The following PTPRD variants were observed in gnomAD, a reference collection of about 807,000 sequenced individuals.
PTPRD encodes the protein protein tyrosine phosphatase receptor type D.
A neutral mutation model predicts 214.5 loss-of-function variants in PTPRD; 34 were observed. The observed-to-expected ratio is 0.16, with a 90% confidence interval of 0.12 to 0.21. The LOEUF is 0.21. Among genes scored for constraint, PTPRD ranks in the 10% least tolerant of loss-of-function variants. The pLI, the probability that PTPRD is intolerant of heterozygous loss-of-function variation, is 1.00. For synonymous variants in PTPRD, 1,128 were observed against 845.7 expected, an observed-to-expected ratio of 1.33 and a Z score of -5.79; for missense variants, 2,545 against 2,398.7, an observed-to-expected ratio of 1.06 and a Z score of -1.27.
intron 2 of PTPRD, among the ~76,000 whole-genome samples, chr9:10,500,169 G>A (rs936949629): frequency 6.6e-5 from 10 of 151,734 alleles, no homozygotes; most frequent in Admixed American, 1.3e-4. Context: ...CAACTTTCAT[G>A]CATATGTATT....
intron 8 of PTPRD, among the ~76,000 whole-genome samples, chr9:9,447,616 A>G (rs1435541970): frequency 3.3e-5 from 5 of 152,044 alleles, no homozygotes; most frequent in East Asian, 1.9e-4. Context: ...ACAAGCCCCA[A>G]TGGCAAATGT....
At chr9:10,030,072 T>C (rs1350540461) in intron 4 of PTPRD, among the ~76,000 whole-genome samples, 2 of 152,196 alleles carry the variant, frequency 1.3e-5, no homozygotes, top group African/African-American at 4.8e-5. Flanking sequence ...ATATAAGATG[T>C]GCCTTTCACC....
chr9:8,528,461 CAG>C, intron 15 of PTPRD, 128 bp downstream of exon 15: 1 of 815,198 alleles, frequency 1.2e-6, no homozygotes, highest in African/African-American at 1.8e-5. Flanking sequence ...CATTAAGTAA[CAG>C]AGAAAGAGAA....
intron 3 of PTPRD, among the ~76,000 whole-genome samples, chr9:10,186,194 A>G (rs1014293634): frequency 6.6e-6 from 1 of 152,108 alleles, no homozygotes; most frequent in Non-Finnish European, 1.5e-5. Flanking sequence ...AACTTGGAAA[A>G]GTTAAATATA....
chr9:8,474,023 C>T (rs1036190314), intron 30 of PTPRD, among the ~76,000 whole-genome samples: 5 of 152,196 alleles, frequency 3.3e-5, no homozygotes, highest in Non-Finnish European at 7.3e-5. Context: ...TTACCCGCAA[C>T]CTGTCTCTCC....
intron 44 of PTPRD, among the ~76,000 whole-genome samples, chr9:8,322,822 A>T (rs1025815355): frequency 1.3e-5 from 2 of 152,196 alleles, no homozygotes; most frequent in Admixed American, 6.6e-5. Context: ...GGAGGAGTCA[A>T]TGCCTGACTT....
At chr9:8,403,457 G>C (rs2092656824) in intron 36 of PTPRD, among the ~76,000 whole-genome samples, 1 of 152,200 alleles carries the variant, frequency 6.6e-6, no homozygotes, top group African/African-American at 2.4e-5. Context: ...TAGAGGCACA[G>C]ATTTAAGTGG....
intron 3 of PTPRD, among the ~76,000 whole-genome samples, chr9:10,231,979 A>T (rs910693331): frequency 1.5e-4 from 17 of 115,138 alleles, no homozygotes; most frequent in Admixed American, 4.3e-4. Flanking sequence ...AGAGAGAGAG[A>T]GAGAGAGAGA....
rs780929523 is a variant in PTPRD at position 8,471,988 on chromosome 9, G to T, written c.3414-903C>A. Among the ~76,000 whole-genome samples, 75 of 152,024 alleles carry T rather than the reference G, an allele frequency of 4.9e-4. 1 individual carries two copies. The highest frequency in any genetic ancestry group is 1.6e-4 in the Non-Finnish European group (11 of 67,994). ...ATATTAATCACTTCCTACTTCTCAG[G>T]TATTATAGTAAATGCATAATCTGGT... On this transcript the variant is annotated intron_variant, in intron 30 of 45. Coordinates refer to ENST00000381196, the MANE Select transcript of PTPRD (RefSeq NM_002839.4).
chr9:9,480,045 G>C (rs956791445), intron 8 of PTPRD, among the ~76,000 whole-genome samples: 1 of 152,034 alleles, frequency 6.6e-6, no homozygotes, highest in Non-Finnish European at 1.5e-5. Context: ...AAATATCTGG[G>C]ATCAATTGTC....
At chr9:8,329,149 C>A (rs574650708) in intron 44 of PTPRD, among the ~76,000 whole-genome samples, 128 of 152,162 alleles carry the variant, frequency 8.4e-4, no homozygotes, top group African/African-American at 3.1e-3. Flanking sequence ...GTGCTGGTTT[C>A]TCCCCATCTT....
At chr9:8,924,089 T>A (rs917297137) in intron 11 of PTPRD, among the ~76,000 whole-genome samples, 3 of 147,390 alleles carry the variant, frequency 2.0e-5, no homozygotes, top group Non-Finnish European at 4.5e-5. Flanking sequence ...GTCTACTATT[T>A]GTCTTCATAA....
intron 36 of PTPRD, among the ~76,000 whole-genome samples, chr9:8,391,209 G>GC (rs1244983356): frequency 3.9e-5 from 6 of 151,908 alleles, no homozygotes; most frequent in Non-Finnish European, 1.5e-5. Flanking sequence ...ATTGCCACTT[G>GC]CAATGACTTT....
At chr9:8,450,288 T>G (rs898798618) in intron 33 of PTPRD, among the ~76,000 whole-genome samples, 7 of 152,126 alleles carry the variant, frequency 4.6e-5, no homozygotes, top group Admixed American at 1.3e-4. Flanking sequence ...GCCCTAAGTA[T>G]ATATAAGTGG....
intron 2 of PTPRD, among the ~76,000 whole-genome samples, chr9:10,585,473 C>T (rs2073593671): frequency 6.6e-6 from 1 of 151,952 alleles, no homozygotes. Context: ...AATCACGTTT[C>T]TCCAGAAAGC....
At chr9:10,588,770 G>A (rs2074624578) in intron 2 of PTPRD, among the ~76,000 whole-genome samples, 1 of 151,424 alleles carries the variant, frequency 6.6e-6, no homozygotes, top group Non-Finnish European at 1.5e-5. Context: ...TTAGTCAAAT[G>A]CCTCTTTATT....
chr9:8,413,635 A>C (rs908885397), intron 35 of PTPRD, among the ~76,000 whole-genome samples: 2 of 152,148 alleles, frequency 1.3e-5, no homozygotes, highest in African/African-American at 4.8e-5. Context: ...ACACCATACT[A>C]AATATAGGCT....
intron 9 of PTPRD, among the ~76,000 whole-genome samples, chr9:9,384,236 C>T (rs1433610024): frequency 2.1e-5 from 3 of 142,364 alleles, no homozygotes; most frequent in Admixed American, 7.3e-5. Flanking sequence ...ATCTAGGCTT[C>T]TTTGGATTTT....
At chr9:9,535,592 T>C (rs2076348837) in intron 8 of PTPRD, among the ~76,000 whole-genome samples, 1 of 152,124 alleles carries the variant, frequency 6.6e-6, no homozygotes, top group Non-Finnish European at 1.5e-5. Flanking sequence ...GCAGCCAATG[T>C]GGTGAAAATA....
Sources: gnomAD v4.1 joint callset for allele counts (sites outside exome capture counted in the v4.1 genomes callset) on GRCh38, gnomAD v4.1.1 for gene constraint, MANE v1.5 for transcripts, NCBI Gene and HGNC (gene_info 2026-07-23, HGNC 2026-07-21) for gene names.